Variants in COL23A1 observed in about 807,000 individuals in gnomAD.
The protein encoded by COL23A1 is collagen alpha-1(XXIII) chain.
Under a neutral mutation model 99.3 loss-of-function variants are expected in COL23A1, and 97 were observed. The ratio of observed to expected loss-of-function variants is 0.98; its 90% confidence interval spans 0.83 to 1.16. The LOEUF (loss-of-function observed/expected upper bound fraction) is 1.16, where lower values mean the gene tolerates loss of function less well. Among genes scored for constraint, COL23A1 ranks in the 50% most tolerant of loss-of-function variants. COL23A1 has a pLI of 0.00. For missense variants in COL23A1, 762 were observed against 757.4 expected, an observed-to-expected ratio of 1.01 and a Z score of -0.07; for synonymous variants, 320 against 308.2, an observed-to-expected ratio of 1.04 and a Z score of -0.40.
At chr5:178,256,995 G>T in intron 13 of COL23A1, 67 bp from the exon 14 acceptor site, 1 of 1,487,832 alleles carries the variant, frequency 6.7e-7, no homozygotes, top group Non-Finnish European at 9.2e-7. Flanking sequence ...TTGGAGGGGG[G>T]CGTGCCTCGG....
At chr5:178,473,157 A>C (rs1199860270) in intron 2 of COL23A1, among the ~76,000 whole-genome samples, 1 of 152,130 alleles carries the variant, frequency 6.6e-6, no homozygotes, top group Non-Finnish European at 1.5e-5. Flanking sequence ...TAAAAATCAC[A>C]ACACAACAAA....
At chr5:178,517,403 G>T (rs1759582425) in intron 2 of COL23A1, among the ~76,000 whole-genome samples, 1 of 152,076 alleles carries the variant, frequency 6.6e-6, no homozygotes, top group Admixed American at 6.5e-5. Flanking sequence ...GAGGGAGAGG[G>T]CCCATGTCCC....
At chr5:178,583,561 G>A (rs1446400135) in intron 1 of COL23A1, among the ~76,000 whole-genome samples, 3 of 152,164 alleles carry the variant, frequency 2.0e-5, no homozygotes, top group Non-Finnish European at 4.4e-5. Flanking sequence ...TGACCAGGAC[G>A]GGTAATCCGT....
chr5:178,347,974 A>G lies in COL23A1; in HGVS notation c.362-41055T>C, dbSNP rs147888018. On this transcript the variant is annotated intron_variant, in intron 2 of 28. Transcript: ENST00000390654. ...CGGACTAGTGACTACCATATAGGCT[A>G]GCACAGTTCTAGAAACTTAGAGGAG... is the stretch of plus-strand genomic sequence containing the variant. Among the ~76,000 whole-genome samples, 784 of 152,190 alleles carry G rather than the reference A, an allele frequency of 5.2e-3. 7 individuals carry two copies. Among genetic ancestry groups the G allele is most frequent in the African/African-American group, 0.018 (730 of 41,500 alleles).
intron 2 of COL23A1, among the ~76,000 whole-genome samples, chr5:178,404,426 T>C (rs1764640623): frequency 6.6e-6 from 1 of 152,038 alleles, no homozygotes; most frequent in Admixed American, 6.6e-5. Context: ...CAGGAGGAGA[T>C]TCTTGAGCTG....
At chr5:178,525,992 G>A (rs1260885876) in intron 2 of COL23A1, among the ~76,000 whole-genome samples, 1 of 150,074 alleles carries the variant, frequency 6.7e-6, no homozygotes, top group Non-Finnish European at 1.5e-5. Context: ...CTTGAAGATG[G>A]TAACAGCTTG....
intron 2 of COL23A1, among the ~76,000 whole-genome samples, chr5:178,412,997 G>A (rs1765126470): frequency 7.1e-6 from 1 of 141,694 alleles, no homozygotes; most frequent in African/African-American, 2.7e-5. Context: ...TTCTGAGCCT[G>A]GGCAACATAG....
At chr5:178,514,984 C>A (rs1402642947) in intron 2 of COL23A1, among the ~76,000 whole-genome samples, 1 of 152,234 alleles carries the variant, frequency 6.6e-6, no homozygotes, top group African/African-American at 2.4e-5. Context: ...GAGCTATTTC[C>A]CTCCAGAGTC....
At chr5:178,501,908 T>C (rs998721284) in intron 2 of COL23A1, among the ~76,000 whole-genome samples, 1 of 152,066 alleles carries the variant, frequency 6.6e-6, no homozygotes, top group Non-Finnish European at 1.5e-5. Context: ...CCACCCGCAG[T>C]GGGCGGCACC....
intron 1 of COL23A1, among the ~76,000 whole-genome samples, chr5:178,585,236 C>A (rs930705459): frequency 6.6e-6 from 1 of 152,172 alleles, no homozygotes; most frequent in South Asian, 2.1e-4. Flanking sequence ...CCCCGCTCTG[C>A]CCCACCCTCC....
chr5:178,524,225 G>C (rs1340036408), intron 2 of COL23A1, among the ~76,000 whole-genome samples: 1 of 152,178 alleles, frequency 6.6e-6, no homozygotes, highest in Non-Finnish European at 1.5e-5. Flanking sequence ...CCATCTGTCA[G>C]CTCTGTTTCC....
In COL23A1 at chr5:178,544,475, T is replaced by G. The variant is rs1375530338; in HGVS notation, c.361+16207A>C. ...GGGGAGCAGTCTCCCTCAGATGGGG[T>G]CCCCTGTTCTCTCCACCTGCCCCAG... On this transcript the variant is annotated intron_variant, in intron 2 of 28. Transcript: ENST00000390654. This position sits in a 1 kb window ranked among gnomAD's most constrained non-coding sequence, Gnocchi z 4.4. Among the ~76,000 whole-genome samples, 2 of 151,964 alleles carry G rather than the reference T, an allele frequency of 1.3e-5. No individual in the cohort carries two copies. The highest frequency in any genetic ancestry group is 2.9e-5 in the Non-Finnish European group (2 of 67,998).
At chr5:178,241,496 C>A (rs1280306967) in intron 27 of COL23A1, among the ~76,000 whole-genome samples, 1 of 152,180 alleles carries the variant, frequency 6.6e-6, no homozygotes, top group Non-Finnish European at 1.5e-5. Context: ...TGAGTTTCAG[C>A]TCAGCTTGGC....
chr5:178,470,754 C>T (rs1201630271), intron 2 of COL23A1, among the ~76,000 whole-genome samples: 1 of 151,436 alleles, frequency 6.6e-6, no homozygotes, highest in East Asian at 1.9e-4. Context: ...AATACAGTGG[C>T]ACTTCCCATA....
chr5:178,420,431 C>T (rs1316552309), intron 2 of COL23A1, among the ~76,000 whole-genome samples: 2,710 of 94,560 alleles, frequency 0.029, 94 homozygotes, highest in South Asian at 0.051. Context: ...TTCTCCCCTC[C>T]CCCGCTCTTT....
At chr5:178,275,426 G>A (rs769962216) in intron 5 of COL23A1, among the ~76,000 whole-genome samples, 1 of 152,154 alleles carries the variant, frequency 6.6e-6, no homozygotes, top group South Asian at 2.1e-4. Flanking sequence ...GGCCTGTCGC[G>A]TATTTCCTAA....
At chr5:178,526,667 G>A (rs1391671208) in intron 2 of COL23A1, among the ~76,000 whole-genome samples, 1 of 152,068 alleles carries the variant, frequency 6.6e-6, no homozygotes, top group Admixed American at 6.5e-5. Context: ...GGGCTAGCGA[G>A]TCTACAATGG....
chr5:178,586,881 C>G (rs1764031883), intron 1 of COL23A1, among the ~76,000 whole-genome samples: 1 of 152,100 alleles, frequency 6.6e-6, no homozygotes. Flanking sequence ...AGTATTTAAC[C>G]AATATACAGA....
chr5:178,357,891 GTGTA>G (rs1281986430), intron 2 of COL23A1, among the ~76,000 whole-genome samples: 54 of 147,002 alleles, frequency 3.7e-4, no homozygotes, highest in Non-Finnish European at 3.3e-4. Flanking sequence ...GTACGTGTGT[GTGTA>G]TGTGTGTCTA....
Sources: allele counts gnomAD v4.1 joint callset (sites outside exome capture counted in the v4.1 genomes callset), GRCh38; gene constraint gnomAD v4.1.1; non-coding constraint Gnocchi (gnomAD v3.1); transcripts MANE v1.5; gene names NCBI Gene and HGNC (gene_info 2026-07-23, HGNC 2026-07-21).